AGAP1: variants seen among roughly 807,000 people sequenced by gnomAD.
AGAP1 encodes ArfGAP with GTPase domain, ankyrin repeat and PH domain 1.
AGAP1 carries 29 observed loss-of-function variants against 105.3 expected under a neutral mutation model. The ratio of observed to expected loss-of-function variants is 0.28; its 90% CI spans 0.21 to 0.38. The LOEUF (loss-of-function observed/expected upper bound fraction) is 0.38. AGAP1 is among the 10% of genes least tolerant of loss of function. AGAP1 has a pLI of 1.00. For missense variants in AGAP1, 998 were observed against 1,165.1 expected (o/e 0.86, Z 2.09); for synonymous variants, 509 against 485.9 (o/e 1.05, Z -0.63).
rs1461194466 is a variant in AGAP1 at position 235,887,243 on chromosome 2, A to G, written c.1155+3794A>G. ...GTCATTGGCCACATGCAGTGGTGGCATAAGTGGTCAAGTGTTGGGAAAGCT... is the reference window on the plus strand; with the variant it reads ...GTCATTGGCCACATGCAGTGGTGGCGTAAGTGGTCAAGTGTTGGGAAAGCT... On this transcript the variant is annotated intron_variant, in intron 10 of 17. Coordinates refer to ENST00000304032, the MANE Select transcript of AGAP1 (RefSeq NM_001037131.3). The surrounding 1 kb of genome is among the most constrained non-coding windows in gnomAD (Gnocchi z 4.1). Among the ~76,000 whole-genome samples, 1 of 152,118 alleles carries G rather than the reference A, an allele frequency of 6.6e-6. No homozygotes were observed. Among genetic ancestry groups the G allele is most frequent in the Non-Finnish European group, 1.5e-5 (1 of 68,036 alleles).
rs1361245477 is a variant in AGAP1, at chr2:235,670,140, C to A, written c.164-39039C>A. 5.2e-6 allele frequency: 3 copies of A among 581,132 alleles called. No individual in the cohort carries two copies. The Admixed American group carries it at 8.0e-5, about 15-fold the overall frequency. The allele number at this position is 581,132 out of a possible 1,614,324, so 36.0% of individuals were successfully genotyped here. ...GGCAGTGGCGAGCCCGCGTCGCCAC[C>A]CGCGGACGCGATGCCGCGCGGGACG... On this transcript the variant is annotated intron_variant, in intron 1 of 17. Transcript: ENST00000304032.
chr2:235,697,395 T>C (rs1411774627), intron 1 of AGAP1, among the ~76,000 whole-genome samples: 1 of 152,218 alleles, frequency 6.6e-6, no homozygotes, highest in Non-Finnish European at 1.5e-5. Context: ...TTAGAAGTAG[T>C]TTAGCCACAT....
chr2:235,920,213 A>G (rs1234474624), intron 11 of AGAP1, among the ~76,000 whole-genome samples: 2 of 152,178 alleles, frequency 1.3e-5, no homozygotes, highest in Admixed American at 1.3e-4. Context: ...TGTCTTTAGA[A>G]TAAATACTTA....
intron 1 of AGAP1, among the ~76,000 whole-genome samples, chr2:235,513,240 C>CCGGGCG (rs111261000): frequency 0.01 from 1,564 of 151,486 alleles, 10 homozygotes; most frequent in Non-Finnish European, 0.017. Context: ...GATCACTGTG[C>CCGGGCG]CGGGCGCGGG....
intron 3 of AGAP1, among the ~76,000 whole-genome samples, chr2:235,726,436 A>T (rs1575238578): frequency 1.3e-5 from 2 of 152,242 alleles, no homozygotes; most frequent in East Asian, 3.8e-4. Context: ...TCACGTATGT[A>T]ATTACAAATC....
In AGAP1 at chr2:235,970,568, G is replaced by A. The variant is rs146326404; in HGVS notation, c.1645+1945G>A. ...CTTGTTCTCACTTTCACAGGCACGC[G>A]TCTTCTTGCATTTGTTGTGTGTTTC... On this transcript the variant is annotated intron_variant, in intron 13 of 17. Coordinates refer to ENST00000304032, the MANE Select transcript of AGAP1 (RefSeq NM_001037131.3). This position sits in a 1 kb window ranked among gnomAD's most constrained non-coding sequence, Gnocchi z 5.4. Among the ~76,000 whole-genome samples the A allele has an allele frequency of 4.6e-5, 7 of 152,310 alleles. No homozygotes were observed. Among genetic ancestry groups the A allele is most frequent in the Admixed American group, 6.5e-5 (1 of 15,302 alleles).
intron 2 of AGAP1, among the ~76,000 whole-genome samples, chr2:235,709,517 G>A (rs887920819): frequency 4.3e-4 from 53 of 121,946 alleles, no homozygotes; most frequent in African/African-American, 1.4e-3. Context: ...CTCACATCTC[G>A]TGGGTGTGTG....
chr2:236,111,279 C>T (rs2059631309), intron 16 of AGAP1, among the ~76,000 whole-genome samples: 1 of 151,998 alleles, frequency 6.6e-6, no homozygotes, highest in South Asian at 2.1e-4. Context: ...GCCTATAGGC[C>T]CAGCTACTCA....
intron 13 of AGAP1, among the ~76,000 whole-genome samples, chr2:236,025,325 C>A (rs1361418601): frequency 2.0e-5 from 3 of 152,098 alleles, no homozygotes; most frequent in Non-Finnish European, 4.4e-5. Flanking sequence ...TGATGGGCCT[C>A]ACGCTGCCAA....
At chr2:236,015,042 T>C (rs1469443158) in intron 13 of AGAP1, among the ~76,000 whole-genome samples, 1 of 152,206 alleles carries the variant, frequency 6.6e-6, no homozygotes, top group Non-Finnish European at 1.5e-5. Flanking sequence ...TCTTTTCATC[T>C]TTTTGTTTGT....
intron 13 of AGAP1, among the ~76,000 whole-genome samples, chr2:236,026,787 G>A (rs557066575): frequency 1.3e-5 from 2 of 152,152 alleles, no homozygotes; most frequent in Non-Finnish European, 2.9e-5. Context: ...GATTTCTGGG[G>A]AAGCTAGTTT....
At chr2:235,779,871 A>G (rs1956151246) in intron 6 of AGAP1, among the ~76,000 whole-genome samples, 1 of 152,242 alleles carries the variant, frequency 6.6e-6, no homozygotes, top group Non-Finnish European at 1.5e-5. Context: ...GACCCCTGGT[A>G]GCTGCTTTGT....
rs1254386468 is a variant in AGAP1 at position 236,130,314 on chromosome 2, G to A, written c.*6192G>A. The A allele has an allele frequency of 6.6e-6, 1 of 152,056 alleles. No individual in the cohort carries two copies. Among genetic ancestry groups the A allele is most frequent in the African/African-American group, 2.4e-5 (1 of 41,388 alleles). The allele number at this position is 152,056 out of a possible 1,614,324, so 9.4% of individuals were successfully genotyped here. On this transcript the variant is annotated 3_prime_UTR_variant, in exon 18 of 18. Transcript: ENST00000304032. The surrounding 1 kb of genome is among the most constrained non-coding windows in gnomAD (Gnocchi z 5.8). ...CTGAGGATGGTGAAACCATATGATA[G>A]AGACTCCTTGTCGAAGTCCACATCG...
At position 236,027,010 on chromosome 2, in the gene AGAP1, C is replaced by T. The variant is rs559199164; in HGVS notation, c.1646-9551C>T. Among the ~76,000 whole-genome samples, 20 of 152,234 alleles carry T rather than the reference C, an allele frequency of 1.3e-4. No individual in the cohort carries two copies. Among genetic ancestry groups the T allele is most frequent in the African/African-American group, 4.8e-4 (20 of 41,564 alleles). ...AGCAAAAATGGCTGTAAAGTCCTGGCGTTGTGCCTGACAGAATTTGGAGCC... is the reference window on the plus strand; with the variant it reads ...AGCAAAAATGGCTGTAAAGTCCTGGTGTTGTGCCTGACAGAATTTGGAGCC... On this transcript the variant is annotated intron_variant, in intron 13 of 17. Transcript: ENST00000304032. This position sits in a 1 kb window ranked among gnomAD's most constrained non-coding sequence, Gnocchi z 4.4.
intron 6 of AGAP1, among the ~76,000 whole-genome samples, chr2:235,765,999 TAG>T (rs552084619): frequency 2.1e-4 from 32 of 152,326 alleles, no homozygotes; most frequent in African/African-American, 7.2e-4. Context: ...TCTTGTCAGA[TAG>T]AGTGTTTAGT....
chr2:236,117,532 G>A (rs146685142), intron 16 of AGAP1, among the ~76,000 whole-genome samples: 613 of 152,286 alleles, frequency 4.0e-3, no homozygotes, highest in Non-Finnish European at 6.9e-3. Flanking sequence ...TTGAATACTT[G>A]CAGTTAGCAC....
chr2:235,732,417 T>G lies in AGAP1; in HGVS notation c.311-8546T>G, dbSNP rs550283230. Among the ~76,000 whole-genome samples the G allele has an allele frequency of 2.3e-4, 35 of 152,322 alleles. No individual in the cohort carries two copies. The South Asian group carries it at 7.3e-3, about 32-fold the overall frequency. ...TCCTCAGATCTGGACGTTTCCATTT[T>G]ATCTCATATTGTTTCAAATTCTCAT... is the stretch of plus-strand genomic sequence containing the variant. On this transcript the variant is annotated intron_variant, in intron 3 of 17. Transcript: ENST00000304032. The surrounding 1 kb of genome is among the most constrained non-coding windows in gnomAD (Gnocchi z 4.8).
At position 236,096,127 on chromosome 2, in the gene AGAP1, AC is replaced by A. The variant is rs2059186272; in HGVS notation, c.2115-24063del. On this transcript the variant is annotated intron_variant, in intron 16 of 17. Transcript: ENST00000304032. This position sits in a 1 kb window ranked among gnomAD's most constrained non-coding sequence, Gnocchi z 4.4. ...ACCGCAGTACTATGTATCTTACCCT[AC>A]CATGTGCATAGCTGTTTTTCATCCA... 6.6e-6 allele frequency among the ~76,000 whole-genome samples: 1 copy of A among 152,210 alleles called. No individual in the cohort carries two copies. The highest frequency in any genetic ancestry group is 1.5e-5 in the Non-Finnish European group (1 of 68,042).
chr2:235,940,592 A>G (rs1436622867), intron 12 of AGAP1, among the ~76,000 whole-genome samples: 18 of 152,082 alleles, frequency 1.2e-4, no homozygotes, highest in African/African-American at 4.3e-4. Flanking sequence ...GCCACTCTCC[A>G]TCCCATTCTT....
Sources: gnomAD v4.1 joint callset for allele counts (sites outside exome capture counted in the v4.1 genomes callset) on GRCh38, gnomAD v4.1.1 for gene constraint, Gnocchi (gnomAD v3.1) non-coding constraint, MANE v1.5 for transcripts, NCBI Gene and HGNC (gene_info 2026-07-23, HGNC 2026-07-21) for gene names.